PACS1: variants seen among roughly 807,000 people sequenced by gnomAD.
The protein encoded by PACS1 is phosphofurin acidic cluster sorting protein 1.
A neutral mutation model predicts 115.0 loss-of-function variants in PACS1; 24 were observed. That is an observed-to-expected ratio of 0.21 (90% CI 0.15 to 0.29). PACS1 has a LOEUF of 0.29. Among genes scored for constraint, PACS1 ranks in the 10% least tolerant of loss-of-function variants. The probability of loss-of-function intolerance (pLI) is 1.00; values close to 1 mark genes in which losing one functional copy is unlikely to be tolerated. For missense variants in PACS1, 838 were observed against 1,251.2 expected, an observed-to-expected ratio of 0.67 and a Z score of 4.98; for synonymous variants, 453 against 504.5, an observed-to-expected ratio of 0.90 and a Z score of 1.37.
intron 1 of PACS1, among the ~76,000 whole-genome samples, chr11:66,104,395 C>G (rs1857988422): frequency 6.6e-6 from 1 of 152,126 alleles, no homozygotes; most frequent in African/African-American, 2.4e-5. Flanking sequence ...GGTTGACAAA[C>G]CATGGTTTGT....
In PACS1 at chr11:66,230,924, T is replaced by G. The variant is rs748225588; in HGVS notation, c.1610T>G (p.Leu537Arg). The G allele has an allele frequency of 8.1e-6, 13 of 1,614,078 alleles. No individual in the cohort carries two copies. The highest frequency in any genetic ancestry group is 1.1e-5 in the Non-Finnish European group (13 of 1,180,062). ...TCCGACAGCGAGCGCTCCCCAGATCTGGGCCACAGCACGCAGGTACTTCTG... is the reference window on the plus strand; with the variant it reads ...TCCGACAGCGAGCGCTCCCCAGATCGGGGCCACAGCACGCAGGTACTTCTG... Reference protein sequence around the residue: ...NSSDSERSPDLGHSTQIPRKV... With the variant: ...NSSDSERSPDRGHSTQIPRKV... The change falls in exon 13 of 24, where the codon CTG becomes CGG. Residue 537 changes from leucine (L) to arginine (R), a missense_variant. By Grantham distance (102) the Leu-to-Arg change is moderately radical (BLOSUM62 -2). Around this residue, in one of 6 missense-constraint regions of PACS1, gnomAD observed 383 missense variants for 537.0 expected, o/e 0.71. Coordinates refer to ENST00000320580, the MANE Select transcript of PACS1 (RefSeq NM_018026.4).
intron 1 of PACS1, among the ~76,000 whole-genome samples, chr11:66,127,694 T>C (rs1033664534): frequency 6.6e-6 from 1 of 152,214 alleles, no homozygotes; most frequent in Non-Finnish European, 1.5e-5. Flanking sequence ...AGGAACACTG[T>C]AGGCCAGAAT....
chr11:66,239,046 C>T, intron 20 of PACS1, 96 bp from the exon 21 acceptor site: 2 of 1,563,048 alleles, frequency 1.3e-6, no homozygotes, highest in Admixed American at 3.4e-5. Context: ...AGGAGGAAAG[C>T]AGGCCACAGG....
chr11:66,202,030 CAAAT>C (rs1010747851), intron 2 of PACS1, among the ~76,000 whole-genome samples: 1 of 151,872 alleles, frequency 6.6e-6, no homozygotes, highest in African/African-American at 2.4e-5. Flanking sequence ...AGAGAAGACA[CAAAT>C]AAATCAGAGA....
intron 2 of PACS1, 40 bp downstream of exon 2, chr11:66,193,613 C>T (rs1013855504): frequency 5.5e-6 from 8 of 1,466,506 alleles, no homozygotes; most frequent in South Asian, 1.1e-5. Flanking sequence ...CCCAGGGAAG[C>T]TGGATAACCA....
chr11:66,151,036 C>T (rs1449132233), intron 1 of PACS1, among the ~76,000 whole-genome samples: 1 of 151,970 alleles, frequency 6.6e-6, no homozygotes, highest in Admixed American at 6.6e-5. Context: ...GGGGGGAATC[C>T]TGGAAACAAG....
intron 10 of PACS1, among the ~76,000 whole-genome samples, chr11:66,221,858 A>G (rs764376921): frequency 6.6e-6 from 1 of 152,096 alleles, no homozygotes; most frequent in Non-Finnish European, 1.5e-5. Context: ...ACTCATGTCT[A>G]TAATCCCAGC....
At chr11:66,079,740 G>T (rs1337561609) in intron 1 of PACS1, among the ~76,000 whole-genome samples, 2 of 152,194 alleles carry the variant, frequency 1.3e-5, no homozygotes, top group Non-Finnish European at 2.9e-5. Flanking sequence ...AGTGGGTGAA[G>T]ATAAGAGACA....
intron 1 of PACS1, among the ~76,000 whole-genome samples, chr11:66,136,347 A>ACACACAC (rs1174460616): frequency 2.0e-5 from 3 of 151,656 alleles, no homozygotes; most frequent in African/African-American, 7.3e-5. Context: ...ACACACACAC[A>ACACACAC]CACACACCAA....
chr11:66,096,516 T>G (rs1245859473), intron 1 of PACS1, among the ~76,000 whole-genome samples: 1 of 151,660 alleles, frequency 6.6e-6, no homozygotes, highest in Admixed American at 6.6e-5. Context: ...TTTTTTTTTT[T>G]TTTGAGACGG....
In PACS1 at chr11:66,236,076, T is replaced by TGGA; in HGVS notation, c.2250+138_2250+139insAGG. Reference sequence around the variant, plus strand: ...GGAGATTTTGCCTCCAGGGACTACCTGGCAGTGTCTGGAGACGTGTTTGGT... The same window carrying TGGA: ...GGAGATTTTGCCTCCAGGGACTACCTGGAGGCAGTGTCTGGAGACGTGTTTGGT... On this transcript the variant is annotated intron_variant, in intron 19 of 23. Transcript: ENST00000320580. The surrounding 1 kb of genome is among the most constrained non-coding windows in gnomAD (Gnocchi z 4.2). 1.2e-6 allele frequency: 1 copy of TGGA among 814,622 alleles called. No homozygotes were observed. Among genetic ancestry groups the TGGA allele is most frequent in the Non-Finnish European group, 2.2e-6 (1 of 462,084 alleles). 50.5% of individuals were successfully genotyped at this position (814,622 alleles called of 1,614,324 possible). A position where few individuals can be genotyped will look rare whatever the true frequency, so the allele number is the denominator to read the frequency against.
In PACS1 at chr11:66,070,557, G is replaced by T. The variant is rs1320445729; in HGVS notation, c.71G>T (p.Gly24Val). The T allele has an allele frequency of 2.1e-6, 3 of 1,442,562 alleles. No individual in the cohort carries two copies. The highest frequency in any genetic ancestry group is 2.7e-6 in the Non-Finnish European group (3 of 1,104,134). 89.4% of individuals were successfully genotyped at this position (1,442,562 alleles called of 1,614,324 possible). A position where few individuals can be genotyped will look rare whatever the true frequency, so the allele number is the denominator to read the frequency against. Reference protein sequence around the residue: ...AGGGSGQRGSGVAQSPQQPPP... With the variant: ...AGGGSGQRGSVVAQSPQQPPP... Reference sequence around the variant, plus strand: ...GGCGGCAGCGGCCAGCGGGGATCCGGGGTCGCCCAGTCCCCTCAGCAGCCG... The same window carrying T: ...GGCGGCAGCGGCCAGCGGGGATCCGTGGTCGCCCAGTCCCCTCAGCAGCCG... Residue 24 changes from glycine (G) to valine (V), a missense_variant, in exon 1 of 24, where the codon GGG becomes GTG. This residue lies in a region of PACS1 where 129 missense variants were observed against 109.4 expected (regional missense o/e 1.18). Transcript: ENST00000320580. The surrounding 1 kb of genome is among the most constrained non-coding windows in gnomAD (Gnocchi z 5.9).
intron 1 of PACS1, among the ~76,000 whole-genome samples, chr11:66,172,329 G>A (rs1439536650): frequency 6.6e-6 from 1 of 152,224 alleles, no homozygotes; most frequent in Non-Finnish European, 1.5e-5. Context: ...ACCTGTGTAA[G>A]CATTGGAACG....
intron 1 of PACS1, among the ~76,000 whole-genome samples, chr11:66,089,235 T>C (rs1354594921): frequency 6.6e-6 from 1 of 152,218 alleles, no homozygotes; most frequent in Non-Finnish European, 1.5e-5. Context: ...TTCTCAATCA[T>C]TGTGACAACC....
chr11:66,216,417 G>A, intron 5 of PACS1, 103 bp from the exon 6 acceptor site: 1 of 1,414,768 alleles, frequency 7.1e-7, no homozygotes, highest in Non-Finnish European at 9.9e-7. Flanking sequence ...CCTCCACCCT[G>A]GCTGTGTTTC....
chr11:66,203,803 G>A lies in PACS1; in HGVS notation c.445-6559G>A, dbSNP rs575841956. On this transcript the variant is annotated intron_variant, in intron 2 of 23. Coordinates refer to ENST00000320580, the MANE Select transcript of PACS1 (RefSeq NM_018026.4). Reference sequence around the variant, plus strand: ...TGCTGGGAAAACTGGATATCTATATGCAGAGGAATTAAACTAGACTGTTGT... The same window carrying A: ...TGCTGGGAAAACTGGATATCTATATACAGAGGAATTAAACTAGACTGTTGT... 5.9e-5 allele frequency among the ~76,000 whole-genome samples: 9 copies of A among 152,330 alleles called. No homozygotes were observed. The South Asian group carries it at 1.9e-3, about 32-fold the overall frequency.
chr11:66,096,100 A>G (rs750860194), intron 1 of PACS1, among the ~76,000 whole-genome samples: 10 of 151,048 alleles, frequency 6.6e-5, no homozygotes, highest in Non-Finnish European at 1.3e-4. Context: ...ATGCTCAGCT[A>G]ATTTTTTTAT....
intron 1 of PACS1, among the ~76,000 whole-genome samples, chr11:66,139,271 A>G (rs922625644): frequency 6.6e-6 from 1 of 152,196 alleles, no homozygotes; most frequent in African/African-American, 2.4e-5. Flanking sequence ...CAGGCAATGC[A>G]TAATAATCAC....
At chr11:66,207,042 C>T (rs1315146916) in intron 2 of PACS1, among the ~76,000 whole-genome samples, 1 of 152,240 alleles carries the variant, frequency 6.6e-6, no homozygotes, top group Admixed American at 6.5e-5. Context: ...CTCGTTTCGT[C>T]TGTGTCCCCA....
Sources: allele counts gnomAD v4.1 joint callset (sites outside exome capture counted in the v4.1 genomes callset), GRCh38; gene constraint gnomAD v4.1.1; regional missense constraint gnomAD v4.1.1; non-coding constraint Gnocchi (gnomAD v3.1); transcripts MANE v1.5; gene names NCBI Gene and HGNC (gene_info 2026-07-23, HGNC 2026-07-21).